Variants in TNKS observed in about 807,000 individuals in gnomAD.
TNKS encodes the protein poly [ADP-ribose] polymerase tankyrase-1.
TNKS carries 72 observed loss-of-function variants against 135.8 expected under a neutral mutation model. That is an observed-to-expected ratio of 0.53 (90% CI 0.44 to 0.64). The LOEUF is 0.64. Among genes scored for constraint, TNKS ranks in the 30% least tolerant of loss-of-function variants. The probability of loss-of-function intolerance (pLI) is 0.00; values close to 1 mark genes in which losing one functional copy is unlikely to be tolerated. For missense variants in TNKS, 1,769 were observed against 1,674.0 expected (o/e 1.06, Z -0.99); for synonymous variants, 849 against 649.3 (o/e 1.31, Z -4.68).
intron 3 of TNKS, among the ~76,000 whole-genome samples, chr8:9,632,657 C>G (rs1361911934): frequency 6.6e-6 from 1 of 152,140 alleles, no homozygotes; most frequent in East Asian, 1.9e-4. Flanking sequence ...AGGTGCATTT[C>G]AATATCTACT....
chr8:9,646,243 A>G (rs1484422492), intron 3 of TNKS, among the ~76,000 whole-genome samples: 1 of 151,960 alleles, frequency 6.6e-6, no homozygotes, highest in Non-Finnish European at 1.5e-5. Flanking sequence ...TGTTTTTTTC[A>G]GATAGAATAT....
intron 20 of TNKS, among the ~76,000 whole-genome samples, chr8:9,756,925 G>GA (rs922894838): frequency 7.2e-5 from 11 of 151,866 alleles, no homozygotes; most frequent in South Asian, 2.1e-4. Context: ...TTACTCTGCT[G>GA]AAAAGACTTC....
chr8:9,706,256 A>G lies in TNKS; in HGVS notation c.1269+3A>G. The G allele has an allele frequency of 6.4e-7, 1 of 1,562,142 alleles. No individual in the cohort carries two copies. Among genetic ancestry groups the G allele is most frequent in the Non-Finnish European group, 8.6e-7 (1 of 1,157,442 alleles). ...AAGTCACAGAACTGCTACTAAAGGT[A>G]AGAGAAATTCAGAATATTGAGCATC... On this transcript the variant is annotated splice_donor_region_variant and intron_variant, in intron 7 of 26. Coordinates refer to ENST00000310430, the MANE Select transcript of TNKS (RefSeq NM_003747.3).
chr8:9,672,700 A>C (rs1585310292), intron 3 of TNKS, among the ~76,000 whole-genome samples: 1 of 125,958 alleles, frequency 7.9e-6, no homozygotes, highest in Non-Finnish European at 1.7e-5. Context: ...ACACACACAC[A>C]CACACACACA....
chr8:9,735,747 C>T (rs919539115), intron 17 of TNKS, among the ~76,000 whole-genome samples: 1 of 151,960 alleles, frequency 6.6e-6, no homozygotes, highest in African/African-American at 2.4e-5. Context: ...TTGCAGTGAG[C>T]CCAGATCGCG....
chr8:9,574,921 A>C, intron 1 of TNKS: 1 of 500,106 alleles, frequency 2.0e-6, no homozygotes, highest in South Asian at 8.6e-5. Context: ...CCTAGATATG[A>C]GGCTTAGAAA....
At chr8:9,569,932 C>A (rs1225806167) in intron 1 of TNKS, among the ~76,000 whole-genome samples, 1 of 151,946 alleles carries the variant, frequency 6.6e-6, no homozygotes, top group African/African-American at 2.4e-5. Flanking sequence ...ATAAACTTTT[C>A]AAATCTATTG....
At chr8:9,626,220 C>G (rs1800047621) in intron 3 of TNKS, among the ~76,000 whole-genome samples, 1 of 152,060 alleles carries the variant, frequency 6.6e-6, no homozygotes, top group African/African-American at 2.4e-5. Flanking sequence ...CCACTCCTGC[C>G]TTTTTAAAAT....
chr8:9,601,373 A>C (rs1229065758), intron 2 of TNKS, among the ~76,000 whole-genome samples: 1 of 152,224 alleles, frequency 6.6e-6, no homozygotes, highest in African/African-American at 2.4e-5. Context: ...AGATATCTGC[A>C]CAAGTACTCT....
At chr8:9,623,528 T>A (rs1297953863) in intron 3 of TNKS, among the ~76,000 whole-genome samples, 2 of 152,014 alleles carry the variant, frequency 1.3e-5, no homozygotes, top group African/African-American at 4.8e-5. Flanking sequence ...AAGTACTACC[T>A]TAATTAAAAA....
intron 22 of TNKS, among the ~76,000 whole-genome samples, 177 bp downstream of exon 22, chr8:9,763,421 C>T (rs995106174): frequency 2.0e-5 from 3 of 152,134 alleles, no homozygotes; most frequent in Non-Finnish European, 4.4e-5. Context: ...CCATGGTTTT[C>T]ACATCATAAG....
At chr8:9,731,610 G>C (rs562640971) in intron 14 of TNKS, among the ~76,000 whole-genome samples, 7 of 152,146 alleles carry the variant, frequency 4.6e-5, no homozygotes, top group African/African-American at 1.7e-4. Context: ...TGTGTGTGCT[G>C]TGGCGATGGT....
chr8:9,694,635 G>A (rs978475063), intron 5 of TNKS, among the ~76,000 whole-genome samples: 4 of 151,846 alleles, frequency 2.6e-5, no homozygotes, highest in Admixed American at 6.6e-5. Flanking sequence ...GGTGGTGGGC[G>A]CCTGTAGTCC....
chr8:9,666,373 T>C (rs1162128776), intron 3 of TNKS, among the ~76,000 whole-genome samples: 6 of 152,200 alleles, frequency 3.9e-5, no homozygotes, highest in Non-Finnish European at 7.3e-5. Context: ...AAAGGAAATA[T>C]ATAAAGAGAT....
At position 9,764,741 on chromosome 8, in the gene TNKS, G is replaced by A; in HGVS notation, c.3398G>A (p.Arg1133Lys). ...ATGCAAAGTACTATTCGAGAACACA[G>A]AGATGGTGGTAATGCTGGCGGCATC... ...EEMQSTIREH[R>K]DGGNAGGIFN... The change falls in exon 23 of 27, where the codon AGA becomes AAA. Residue 1133 changes from arginine to lysine, a missense_variant. Physicochemically the swap from Arg to Lys is conservative, Grantham distance 26. Transcript: ENST00000310430. The A allele has an allele frequency of 6.2e-7, 1 of 1,600,284 alleles. No individual in the cohort carries two copies. Among genetic ancestry groups the A allele is most frequent in the Non-Finnish European group, 8.5e-7 (1 of 1,175,386 alleles).
chr8:9,622,892 C>G (rs1050930501), intron 3 of TNKS, among the ~76,000 whole-genome samples: 1 of 152,148 alleles, frequency 6.6e-6, no homozygotes, highest in Non-Finnish European at 1.5e-5. Flanking sequence ...CCTGAAACCA[C>G]AGATAGTACT....
chr8:9,632,970 C>T (rs553627839), intron 3 of TNKS, among the ~76,000 whole-genome samples: 46 of 152,268 alleles, frequency 3.0e-4, no homozygotes, highest in Middle Eastern at 3.4e-3. Context: ...ACCTCGTGAT[C>T]TGCCCGCCTC....
chr8:9,721,858 C>T (rs1804899576), intron 12 of TNKS, among the ~76,000 whole-genome samples: 1 of 148,336 alleles, frequency 6.7e-6, no homozygotes, highest in South Asian at 2.2e-4. Context: ...TCCAGACCAC[C>T]TTGGCCAACA....
rs181790304 is a variant in TNKS at position 9,701,180 on chromosome 8, G to A, written c.1108-3483G>A. ...TCTCGATCTCCTGACTTCGTGATCCGCCCGCCTCAGCCTCCCAAAGTGCTG... is the reference window on the plus strand; with the variant it reads ...TCTCGATCTCCTGACTTCGTGATCCACCCGCCTCAGCCTCCCAAAGTGCTG... On this transcript the variant is annotated intron_variant, in intron 5 of 26. Transcript: ENST00000310430. 1.4e-3 allele frequency among the ~76,000 whole-genome samples: 217 copies of A among 152,020 alleles called. 1 individual carries two copies. The highest frequency in any genetic ancestry group is 0.01 in the Middle Eastern group (3 of 294).
Sources: allele counts gnomAD v4.1 joint callset (sites outside exome capture counted in the v4.1 genomes callset), GRCh38; gene constraint gnomAD v4.1.1; transcripts MANE v1.5; gene names NCBI Gene and HGNC (gene_info 2026-07-23, HGNC 2026-07-21).